Variants in LUZP1 observed in about 807,000 individuals in gnomAD.
LUZP1 encodes filamin mechanobinding actin cross-linking protein.
LUZP1 carries 25 observed loss-of-function variants against 71.3 expected under a neutral mutation model. That is an observed-to-expected ratio of 0.35 (90% CI 0.26 to 0.49). The LOEUF (loss-of-function observed/expected upper bound fraction) is 0.49. Ranked by LOEUF, LUZP1 falls within the 20% of genes least tolerant of loss-of-function variation. LUZP1 has a pLI of 0.99. For missense variants in LUZP1, 1,142 were observed against 1,300.8 expected (o/e 0.88, Z 1.88); for synonymous variants, 481 against 506.4 (o/e 0.95, Z 0.67).
chr1:23,094,258 C>A lies in LUZP1; in HGVS notation c.4G>T (p.Ala2Ser). The stretch of plus-strand genomic sequence containing the variant: ...GTCTCCTTGTAGCTTGTAAATTCGG[C>A]CATGTCTACTGCCAGCCAATGTGGG... The change falls in exon 4 of 5, where the codon GCC (alanine) becomes TCC (serine). Residue 2 changes from alanine to serine, a missense_variant. By Grantham distance (99) the Ala-to-Ser change is moderately conservative. Coordinates refer to ENST00000302291, the Ensembl canonical transcript of LUZP1. The surrounding 1 kb of genome is among the most constrained non-coding windows in gnomAD (Gnocchi z 4.7). 1 of 1,599,220 alleles carries A rather than the reference C, an allele frequency of 6.3e-7. No individual in the cohort carries two copies. The highest frequency in any genetic ancestry group is 8.5e-7 in the Non-Finnish European group (1 of 1,173,558).
At chr1:23,116,557 T>A in intron 2 of LUZP1, among the ~76,000 whole-genome samples, 4 of 123,436 alleles carry the variant, frequency 3.2e-5, no homozygotes, top group Non-Finnish European at 1.7e-5. Flanking sequence ...TCAGAAGGTG[T>A]AAAAAAGTAA....
rs199782181 is a variant in LUZP1 at position 23,093,604 on chromosome 1, G to C, written c.658C>G (p.Gln220Glu). ...TAATCTCGGTTCATTTTTTTGTTCTGCTCTAGTTTTTGAGTGAGTTCTTTT... is the reference window on the plus strand; with the variant it reads ...TAATCTCGGTTCATTTTTTTGTTCTCCTCTAGTTTTTGAGTGAGTTCTTTT... The change falls in exon 4 of 5, where the codon CAG becomes GAG. Residue 220 changes from glutamine (Q) to glutamate (E), a missense_variant. Transcript: ENST00000302291. This position sits in a 1 kb window ranked among gnomAD's most constrained non-coding sequence, Gnocchi z 4.2. 6.2e-7 allele frequency: 1 copy of C among 1,612,068 alleles called. No homozygotes were observed.
chr1:23,112,945 C>A (rs150604788), intron 2 of LUZP1, among the ~76,000 whole-genome samples: 5 of 152,332 alleles, frequency 3.3e-5, no homozygotes, highest in African/African-American at 1.2e-4. Flanking sequence ...AAGAACTGAA[C>A]TGAAATTTGA....
chr1:23,173,364 T>C (rs1472926905), intron 1 of LUZP1, among the ~76,000 whole-genome samples: 1 of 142,608 alleles, frequency 7.0e-6, no homozygotes, highest in Admixed American at 6.9e-5. Flanking sequence ...TTTTTTTTTT[T>C]TTTTTTTTCA....
chr1:23,158,626 G>A (rs1299822253), intron 2 of LUZP1, among the ~76,000 whole-genome samples: 1 of 129,382 alleles, frequency 7.7e-6, no homozygotes, highest in Non-Finnish European at 1.6e-5. Context: ...TGACCTGAGT[G>A]GCAAGAGCAA....
At chr1:23,090,130 G>C (rs570369859) in intron 4 of LUZP1, among the ~76,000 whole-genome samples, 3 of 43,442 alleles carry the variant, frequency 6.9e-5, no homozygotes, top group Non-Finnish European at 1.4e-4. Context: ...ATAGGCATGA[G>C]TAAGAAAGGT....
chr1:23,116,444 C>T (rs184230134), intron 2 of LUZP1, among the ~76,000 whole-genome samples: 23 of 152,016 alleles, frequency 1.5e-4, no homozygotes, highest in Admixed American at 1.4e-3. Flanking sequence ...TTGCTTGAGC[C>T]CACGTGTTCA....
chr1:23,083,806 A>G, downstream of LUZP1: 1 of 153,480 alleles, frequency 6.5e-6, no homozygotes. Flanking sequence ...ATGTTTAAAT[A>G]AGGAAGAAGA....
intron 3 of LUZP1, among the ~76,000 whole-genome samples, chr1:23,099,122 G>A (rs772864575): frequency 1.3e-4 from 20 of 152,074 alleles, no homozygotes; most frequent in Non-Finnish European, 1.9e-4. Flanking sequence ...TCTCAAAAAC[G>A]GAGAGGGAAA....
chr1:23,101,946 C>A (rs921212330), intron 3 of LUZP1, among the ~76,000 whole-genome samples: 1 of 152,084 alleles, frequency 6.6e-6, no homozygotes, highest in Non-Finnish European at 1.5e-5. Flanking sequence ...ACAGATATAA[C>A]CAATCATAAA....
chr1:23,141,931 G>A (rs546423317), intron 2 of LUZP1, among the ~76,000 whole-genome samples: 9 of 150,934 alleles, frequency 6.0e-5, no homozygotes, highest in East Asian at 3.9e-4. Context: ...TGCAACCTCC[G>A]CCTCCCGGGT....
chr1:23,133,113 T>G (rs535424690), intron 2 of LUZP1, among the ~76,000 whole-genome samples: 1 of 152,334 alleles, frequency 6.6e-6, no homozygotes, highest in East Asian at 1.9e-4. Context: ...AGCCTGCTTC[T>G]AGAAAGCACA....
intron 2 of LUZP1, among the ~76,000 whole-genome samples, chr1:23,116,867 G>A (rs1644083557): frequency 6.6e-6 from 1 of 152,142 alleles, no homozygotes; most frequent in Non-Finnish European, 1.5e-5. Flanking sequence ...AGTGCCCAGA[G>A]CATCAATCTA....
At chr1:23,172,431 G>A (rs1644557595) in intron 1 of LUZP1, among the ~76,000 whole-genome samples, 1 of 152,072 alleles carries the variant, frequency 6.6e-6, no homozygotes. Context: ...GGCCAAGGTG[G>A]GAAGATTACT....
chr1:23,095,448 A>C lies in LUZP1; in HGVS notation c.-119-1068T>G, dbSNP rs570442898. Among the ~76,000 whole-genome samples the C allele has an allele frequency of 1.7e-3, 255 of 152,362 alleles. 7 individuals are homozygous for C. Among genetic ancestry groups the C allele is most frequent in the Non-Finnish European group, 1.8e-3 (120 of 68,028 alleles). On this transcript the variant is annotated intron_variant, in intron 3 of 4. Coordinates refer to ENST00000302291, the Ensembl canonical transcript of LUZP1. ...AGTAAGTGACATTCCAGCTAAAACC[A>C]GAGGAAAAGAAAACTAAATGAAAAA...
rs12410865 is a variant in LUZP1, at chr1:23,161,262, T to C, written c.-226+7504A>G. On this transcript the variant is annotated intron_variant, in intron 2 of 4. Coordinates refer to ENST00000302291, the Ensembl canonical transcript of LUZP1. ...GCAGATATATAATCATAAATTGCAA[T>C]AGGTGCTATGAAAGGAGGCAACAGA... Among the ~76,000 whole-genome samples the C allele has an allele frequency of 7.7e-3, 1,170 of 152,180 alleles. 54 individuals are homozygous for C. Among genetic ancestry groups the C allele is most frequent in the Admixed American group, 0.053 (817 of 15,272 alleles).
chr1:23,166,558 G>A (rs1259532930), intron 2 of LUZP1, among the ~76,000 whole-genome samples: 1 of 151,292 alleles, frequency 6.6e-6, no homozygotes, highest in Non-Finnish European at 1.5e-5. Flanking sequence ...GGGAGGCTGA[G>A]GCAGGAGAAT....
chr1:23,126,601 G>T (rs902616952), intron 2 of LUZP1, among the ~76,000 whole-genome samples: 1 of 152,168 alleles, frequency 6.6e-6, no homozygotes, highest in African/African-American at 2.4e-5. Flanking sequence ...CTAGAACCCA[G>T]AACAGTACCT....
intron 2 of LUZP1, among the ~76,000 whole-genome samples, chr1:23,165,215 C>T (rs1256243827): frequency 6.6e-6 from 1 of 152,078 alleles, no homozygotes; most frequent in Non-Finnish European, 1.5e-5. Flanking sequence ...AAATCTGCTA[C>T]CCAATTCCTA....
Sources: gnomAD v4.1 joint callset for allele counts (sites outside exome capture counted in the v4.1 genomes callset) on GRCh38, gnomAD v4.1.1 for gene constraint, Gnocchi (gnomAD v3.1) non-coding constraint, MANE v1.5 for transcripts, NCBI Gene and HGNC (gene_info 2026-07-23, HGNC 2026-07-21) for gene names.